RABGAP1L: variants seen among roughly 807,000 people sequenced by gnomAD.
RABGAP1L encodes the protein RAB GTPase activating protein 1 like.
In RABGAP1L, 63 loss-of-function variants were observed where a neutral mutation model predicts 137.7. The ratio of observed to expected loss-of-function variants is 0.46; its 90% CI spans 0.37 to 0.56. The LOEUF (loss-of-function observed/expected upper bound fraction) is 0.56, where lower values mean the gene tolerates loss of function less well. RABGAP1L is among the 20% of genes least tolerant of loss of function. The pLI, the probability that RABGAP1L is intolerant of heterozygous loss-of-function variation, is 0.00. For synonymous variants in RABGAP1L, 431 were observed against 433.7 expected, an observed-to-expected ratio of 0.99 and a Z score of 0.08; for missense variants, 1,095 against 1,244.0, an observed-to-expected ratio of 0.88 and a Z score of 1.80.
At chr1:174,767,908 A>G (rs1029060110) in intron 18 of RABGAP1L, among the ~76,000 whole-genome samples, 4 of 152,178 alleles carry the variant, frequency 2.6e-5, no homozygotes, top group African/African-American at 9.7e-5. Context: ...AAGAGAGAGA[A>G]TGAGAGCAAA....
chr1:174,962,194 A>AACCCCCCCCCC (rs1669186512), intron 20 of RABGAP1L, among the ~76,000 whole-genome samples: 1 of 40,452 alleles, frequency 2.5e-5, no homozygotes, highest in Non-Finnish European at 4.0e-5. Flanking sequence ...AAATAAAAAT[A>AACCCCCCCCCC]CACCCCCCCC....
At chr1:174,286,836 C>G (rs1264827565) in intron 10 of RABGAP1L, among the ~76,000 whole-genome samples, 2 of 152,002 alleles carry the variant, frequency 1.3e-5, no homozygotes, top group African/African-American at 2.4e-5. Context: ...TTCTATATAT[C>G]TGAATTTTCC....
chr1:174,893,755 T>G (rs1446935943), intron 19 of RABGAP1L, among the ~76,000 whole-genome samples: 1 of 152,014 alleles, frequency 6.6e-6, no homozygotes, highest in African/African-American at 2.4e-5. Context: ...TGGAAGGAGG[T>G]TAACTTTTCA....
At chr1:174,404,149 T>C (rs943671272) in intron 13 of RABGAP1L, among the ~76,000 whole-genome samples, 28 of 152,176 alleles carry the variant, frequency 1.8e-4, no homozygotes, top group African/African-American at 6.3e-4. Context: ...TAGATAACTT[T>C]ATTATGATAC....
intron 11 of RABGAP1L, among the ~76,000 whole-genome samples, chr1:174,328,269 C>T (rs1680725012): frequency 6.6e-6 from 1 of 151,812 alleles, no homozygotes; most frequent in Admixed American, 6.6e-5. Context: ...GCATATGAAA[C>T]ATTCTCCAGA....
At chr1:174,626,467 T>C (rs1011650552) in intron 13 of RABGAP1L, among the ~76,000 whole-genome samples, 6 of 152,336 alleles carry the variant, frequency 3.9e-5, no homozygotes, top group South Asian at 2.1e-4. Flanking sequence ...TTAGTTCTCA[T>C]TGTAGCTTCT....
intron 18 of RABGAP1L, among the ~76,000 whole-genome samples, chr1:174,756,659 C>A (rs114361207): frequency 9.7e-4 from 148 of 151,980 alleles, no homozygotes; most frequent in African/African-American, 3.5e-3. Flanking sequence ...AAAAGGAAGG[C>A]GGAGGCATGC....
intron 13 of RABGAP1L, among the ~76,000 whole-genome samples, chr1:174,425,597 C>A (rs1177517134): frequency 2.0e-5 from 3 of 152,018 alleles, no homozygotes. Flanking sequence ...TTTATACTAA[C>A]AGAGTTTTAT....
intron 12 of RABGAP1L, among the ~76,000 whole-genome samples, chr1:174,371,925 T>C (rs1453728015): frequency 6.6e-6 from 1 of 152,172 alleles, no homozygotes; most frequent in Non-Finnish European, 1.5e-5. Flanking sequence ...TTAGGAAATA[T>C]GTATTTACAG....
chr1:174,776,119 C>T (rs372450812), intron 18 of RABGAP1L, among the ~76,000 whole-genome samples: 2 of 152,110 alleles, frequency 1.3e-5, no homozygotes, highest in African/African-American at 2.4e-5. Flanking sequence ...CCTGTAATCC[C>T]AGCACTTTGG....
intron 11 of RABGAP1L, among the ~76,000 whole-genome samples, chr1:174,348,452 A>T (rs899732981): frequency 2.2e-4 from 32 of 148,584 alleles, no homozygotes; most frequent in African/African-American, 7.0e-4. Flanking sequence ...TTATTTATTT[A>T]TTTATTTTTT....
chr1:174,957,489 A>G lies in RABGAP1L; in HGVS notation c.2373A>G (p.Lys791=). The G allele has an allele frequency of 6.2e-7, 1 of 1,613,752 alleles. No individual in the cohort carries two copies. The highest frequency in any genetic ancestry group is 1.1e-5 in the South Asian group (1 of 91,076). ...VPTKKLKKYE[K]EYQTMRESQL... ...CCAAGAAGCTGAAGAAATATGAGAA[A>G]GAATATCAGACAATGCGAGAGAGTC... is the stretch of plus-strand genomic sequence containing the variant. The change falls in exon 20 of 26, where the codon AAA becomes AAG. Residue 791 remains lysine, a synonymous_variant. Coordinates refer to ENST00000681986, the MANE Select transcript of RABGAP1L (RefSeq NM_001366446.1).
chr1:174,198,439 A>C (rs951836696), intron 1 of RABGAP1L, among the ~76,000 whole-genome samples: 1 of 152,234 alleles, frequency 6.6e-6, no homozygotes, highest in South Asian at 2.1e-4. Context: ...AGAAGGACAC[A>C]CAGTAAATAA....
At chr1:174,978,924 T>C in intron 23 of RABGAP1L, 34 bp downstream of exon 23, 4 of 1,465,138 alleles carry the variant, frequency 2.7e-6, no homozygotes, top group East Asian at 2.7e-5. Flanking sequence ...GAGCTAGTTA[T>C]AGTTTGCTGC....
intron 18 of RABGAP1L, among the ~76,000 whole-genome samples, chr1:174,769,847 C>T (rs1034028620): frequency 3.3e-4 from 50 of 151,424 alleles, no homozygotes; most frequent in African/African-American, 1.1e-3. Context: ...AGCAAGACTC[C>T]GTCTCAAAAA....
At chr1:174,790,576 G>A (rs1004669469) in intron 18 of RABGAP1L, among the ~76,000 whole-genome samples, 1 of 151,734 alleles carries the variant, frequency 6.6e-6, no homozygotes, top group Non-Finnish European at 1.5e-5. Context: ...AGAGGTTGCA[G>A]TGAGCCAAGA....
chr1:174,772,227 T>C (rs977001536), intron 18 of RABGAP1L, among the ~76,000 whole-genome samples: 2 of 150,218 alleles, frequency 1.3e-5, no homozygotes, highest in African/African-American at 4.9e-5. Context: ...CAAAAAAAAA[T>C]AACTAATCTT....
At chr1:174,501,349 G>A (rs1661263257) in intron 13 of RABGAP1L, among the ~76,000 whole-genome samples, 1 of 151,984 alleles carries the variant, frequency 6.6e-6, no homozygotes, top group Non-Finnish European at 1.5e-5. Flanking sequence ...GAGTAGCTGG[G>A]ACTACAGGCG....
chr1:174,450,577 C>G (rs1204649541), intron 13 of RABGAP1L, among the ~76,000 whole-genome samples: 2 of 152,074 alleles, frequency 1.3e-5, no homozygotes, highest in Non-Finnish European at 2.9e-5. Flanking sequence ...CAGGTAAGAG[C>G]TGACAGTATT....
Sources: gnomAD v4.1 joint callset for allele counts (sites outside exome capture counted in the v4.1 genomes callset) on GRCh38, gnomAD v4.1.1 for gene constraint, MANE v1.5 for transcripts, NCBI Gene and HGNC (gene_info 2026-07-23, HGNC 2026-07-21) for gene names.